The following TAFA2 variants were observed in gnomAD, a reference collection of about 807,000 sequenced individuals.
TAFA2 encodes TAFA chemokine like family member 2.
A neutral mutation model predicts 18.8 loss-of-function variants in TAFA2; 7 were observed. That is an observed-to-expected ratio of 0.37 (90% CI 0.21 to 0.70). The LOEUF (loss-of-function observed/expected upper bound fraction) is 0.70. TAFA2 is among the 30% of genes least tolerant of loss of function. The pLI, the probability that TAFA2 is intolerant of heterozygous loss-of-function variation, is 0.53. For synonymous variants in TAFA2, 60 were observed against 54.2 expected (o/e 1.11, Z -0.47); for missense variants, 122 against 158.1 (o/e 0.77, Z 1.23).
At chr12:61,925,940 A>G (rs1177938033) in intron 1 of TAFA2, among the ~76,000 whole-genome samples, 1 of 152,126 alleles carries the variant, frequency 6.6e-6, no homozygotes, top group Non-Finnish European at 1.5e-5. Flanking sequence ...TTAACAAAAT[A>G]TATAGACCAC....
intron 1 of TAFA2, among the ~76,000 whole-genome samples, chr12:61,929,820 C>T (rs2121390418): frequency 6.6e-6 from 1 of 152,144 alleles, no homozygotes; most frequent in South Asian, 2.1e-4. Flanking sequence ...GAATACTATG[C>T]AGCCATAAAA....
chr12:61,969,167 C>T (rs889312681), intron 1 of TAFA2, among the ~76,000 whole-genome samples: 1 of 151,598 alleles, frequency 6.6e-6, no homozygotes, highest in Non-Finnish European at 1.5e-5. Context: ...ACAATAATGC[C>T]ACCATAAGTA....
intron 1 of TAFA2, among the ~76,000 whole-genome samples, chr12:61,967,537 C>T (rs988911016): frequency 1.4e-4 from 21 of 151,970 alleles, no homozygotes; most frequent in Non-Finnish European, 2.2e-4. Flanking sequence ...CCACACAACA[C>T]GTGCATTATA....
chr12:61,782,551 C>T (rs117445486), intron 2 of TAFA2, among the ~76,000 whole-genome samples: 2,602 of 151,782 alleles, frequency 0.017, 41 homozygotes, highest in Non-Finnish European at 0.028. Flanking sequence ...TTATACAAAA[C>T]CAAGCTGCAC....
chr12:61,959,654 A>G (rs1878814874), intron 1 of TAFA2, among the ~76,000 whole-genome samples: 4 of 152,240 alleles, frequency 2.6e-5, no homozygotes, highest in African/African-American at 9.6e-5. Context: ...CCAGCATATT[A>G]ACATTAACCA....
chr12:62,232,123 A>G (rs571282822), intron 1 of TAFA2, among the ~76,000 whole-genome samples: 1 of 152,342 alleles, frequency 6.6e-6, no homozygotes, highest in African/African-American at 2.4e-5. Flanking sequence ...CAATAAATGG[A>G]AAATTAATGA....
intron 4 of TAFA2, among the ~76,000 whole-genome samples, chr12:61,742,720 T>C (rs896318679): frequency 2.6e-5 from 4 of 152,124 alleles, no homozygotes; most frequent in African/African-American, 9.7e-5. Flanking sequence ...TATCTCTACC[T>C]CATAGTCTCA....
intron 1 of TAFA2, among the ~76,000 whole-genome samples, chr12:62,240,046 A>ATTATATGCATATAATGTTG (rs1437320434): frequency 4.6e-5 from 7 of 151,332 alleles, no homozygotes; most frequent in Non-Finnish European, 1.0e-4. Flanking sequence ...ATATTATATA[A>ATTATATGCATATAATGTTG]CAAATATATA....
At chr12:61,712,620 A>C (rs566391995) in intron 4 of TAFA2, among the ~76,000 whole-genome samples, 24 of 152,260 alleles carry the variant, frequency 1.6e-4, no homozygotes, top group African/African-American at 5.5e-4. Flanking sequence ...ACAAAACTTA[A>C]ACATGACTAA....
At chr12:61,742,278 TA>T (rs1868490678) in intron 4 of TAFA2, among the ~76,000 whole-genome samples, 1 of 152,190 alleles carries the variant, frequency 6.6e-6, no homozygotes, top group Non-Finnish European at 1.5e-5. Flanking sequence ...TACAATGTGT[TA>T]ACAATGACAT....
chr12:61,726,395 C>T (rs1268661292), intron 4 of TAFA2, among the ~76,000 whole-genome samples: 7 of 152,036 alleles, frequency 4.6e-5, no homozygotes, highest in African/African-American at 1.7e-4. Flanking sequence ...TTGTTAGTGT[C>T]GTCTATGATT....
intron 1 of TAFA2, among the ~76,000 whole-genome samples, chr12:62,090,813 T>C (rs1868680442): frequency 6.6e-6 from 1 of 152,074 alleles, no homozygotes; most frequent in African/African-American, 2.4e-5. Flanking sequence ...TCTTTGGTTG[T>C]TCAGTCCTTT....
intron 1 of TAFA2, among the ~76,000 whole-genome samples, chr12:62,201,531 G>A (rs1391227324): frequency 2.0e-5 from 3 of 152,198 alleles, no homozygotes; most frequent in African/African-American, 7.2e-5. Flanking sequence ...TTTATGTGAT[G>A]AATTATGTTT....
intron 1 of TAFA2, among the ~76,000 whole-genome samples, chr12:62,201,718 C>T (rs998567458): frequency 1.3e-5 from 2 of 152,108 alleles, no homozygotes; most frequent in Non-Finnish European, 2.9e-5. Flanking sequence ...TGCTGTATTG[C>T]TGCAAGGTTC....
chr12:61,715,516 T>C (rs1373489679), intron 4 of TAFA2, among the ~76,000 whole-genome samples: 1 of 151,762 alleles, frequency 6.6e-6, no homozygotes, highest in African/African-American at 2.4e-5. Context: ...GCCCAGCTAA[T>C]TTTTTTGTAT....
At chr12:61,764,856 C>T (rs1390456488) in intron 2 of TAFA2, among the ~76,000 whole-genome samples, 1 of 152,034 alleles carries the variant, frequency 6.6e-6, no homozygotes, top group Non-Finnish European at 1.5e-5. Flanking sequence ...TAAGTCTTAA[C>T]TGCACAGTAT....
At chr12:62,258,352 G>GC (rs2062950880) in intron 1 of TAFA2, 2 of 152,212 alleles carry the variant, frequency 1.3e-5, no homozygotes, top group Admixed American at 1.3e-4. Flanking sequence ...TGAGCATGGT[G>GC]CAAGTGAAGA....
At chr12:62,206,652 G>T (rs1158999239) in intron 1 of TAFA2, among the ~76,000 whole-genome samples, 1 of 151,662 alleles carries the variant, frequency 6.6e-6, no homozygotes, top group Non-Finnish European at 1.5e-5. Flanking sequence ...CTCATTTTTT[G>T]ACTTTTTTGT....
chr12:62,190,464 C>G (rs1592392833), intron 1 of TAFA2, among the ~76,000 whole-genome samples: 1 of 152,094 alleles, frequency 6.6e-6, no homozygotes, highest in East Asian at 1.9e-4. Context: ...AGCAGAAAAC[C>G]CGGGTACTAG....
Sources: gnomAD v4.1 joint callset for allele counts (sites outside exome capture counted in the v4.1 genomes callset) on GRCh38, gnomAD v4.1.1 for gene constraint, MANE v1.5 for transcripts, NCBI Gene and HGNC (gene_info 2026-07-23, HGNC 2026-07-21) for gene names.